Variants in AGMO observed in about 807,000 individuals in gnomAD.
AGMO encodes the protein alkylglycerol monooxygenase.
Under a neutral mutation model 60.2 loss-of-function variants are expected in AGMO, and 75 were observed. The observed-to-expected ratio is 1.25, with a 90% CI of 1.03 to 1.51. The LOEUF (loss-of-function observed/expected upper bound fraction) is 1.51. Among genes scored for constraint, AGMO ranks in the 40% most tolerant of loss-of-function variants. The pLI is 0.00. For missense variants in AGMO, 763 were observed against 525.5 expected (o/e 1.45, Z -4.42); for synonymous variants, 261 against 177.1 (o/e 1.47, Z -3.76).
At chr7:15,441,995 C>T (rs1781570718) in intron 3 of AGMO, among the ~76,000 whole-genome samples, 1 of 151,984 alleles carries the variant, frequency 6.6e-6, no homozygotes, top group Non-Finnish European at 1.5e-5. Context: ...TCTTGGTGTC[C>T]TGAAACCAAC....
At chr7:15,294,778 G>C (rs10265084) in intron 12 of AGMO, among the ~76,000 whole-genome samples, 3,729 of 151,856 alleles carry the variant, frequency 0.025, 150 homozygotes, top group African/African-American at 0.085. Context: ...TTATCCTGAT[G>C]AATAAAATAT....
intron 12 of AGMO, among the ~76,000 whole-genome samples, chr7:15,207,255 T>G (rs115517575): frequency 1.1e-4 from 17 of 152,332 alleles, no homozygotes; most frequent in Admixed American, 6.5e-4. Flanking sequence ...CTGGTTAAAA[T>G]TGTATAAACC....
At position 15,222,700 on chromosome 7, in the gene AGMO, T is replaced by A. The variant is rs572951304; in HGVS notation, c.1264-21341A>T. Reference sequence around the variant, plus strand: ...AAAATGGAAAGTTTGGCACTACAAATACTTCAGCCTCTTTCAATTTTCCAC... The same window carrying A: ...AAAATGGAAAGTTTGGCACTACAAAAACTTCAGCCTCTTTCAATTTTCCAC... On this transcript the variant is annotated intron_variant, in intron 12 of 12. Transcript: ENST00000342526. 5.3e-5 allele frequency among the ~76,000 whole-genome samples: 8 copies of A among 152,168 alleles called. No individual in the cohort carries two copies. The East Asian group carries it at 1.5e-3, about 29-fold the overall frequency.
chr7:15,270,791 A>G (rs944285738), intron 12 of AGMO, among the ~76,000 whole-genome samples: 13 of 147,802 alleles, frequency 8.8e-5, no homozygotes, highest in African/African-American at 3.2e-4. Flanking sequence ...TATAATTTCA[A>G]ATCTTATATT....
the AGMO span, among the ~76,000 whole-genome samples, chr7:15,194,343 C>A: frequency 3.3e-5 from 5 of 150,710 alleles, no homozygotes; most frequent in Admixed American, 2.7e-4. Flanking sequence ...TGTTTGTGCA[C>A]AAGGTAATTT....
intron 10 of AGMO, among the ~76,000 whole-genome samples, chr7:15,384,095 TG>T (rs1248442321): frequency 1.3e-5 from 2 of 152,086 alleles, no homozygotes; most frequent in Non-Finnish European, 2.9e-5. Flanking sequence ...CCACCATGCC[TG>T]GCTACTTATT....
At chr7:15,532,308 G>T (rs1159176364) in intron 3 of AGMO, among the ~76,000 whole-genome samples, 1 of 152,100 alleles carries the variant, frequency 6.6e-6, no homozygotes, top group Admixed American at 6.6e-5. Flanking sequence ...TATTAGTAGG[G>T]TCAAGAAACG....
chr7:15,154,724 G>A, the AGMO span, among the ~76,000 whole-genome samples: 1 of 152,148 alleles, frequency 6.6e-6, no homozygotes, highest in African/African-American at 2.4e-5. Context: ...GGCCACTGGA[G>A]CTGGCAGGTA....
At chr7:15,253,869 T>A (rs1473756117) in intron 12 of AGMO, among the ~76,000 whole-genome samples, 1 of 152,146 alleles carries the variant, frequency 6.6e-6, no homozygotes, top group African/African-American at 2.4e-5. Flanking sequence ...ATTCTCCCAA[T>A]TCTCTGGTAA....
At chr7:15,474,998 T>C (rs761027864) in intron 3 of AGMO, among the ~76,000 whole-genome samples, 4 of 152,004 alleles carry the variant, frequency 2.6e-5, no homozygotes, top group Non-Finnish European at 5.9e-5. Context: ...TGAGATACCA[T>C]CTCATGCCAG....
chr7:15,555,208 A>T lies in AGMO; in HGVS notation c.257+4933T>A, dbSNP rs553984369. Among the ~76,000 whole-genome samples, 13 of 151,020 alleles carry T rather than the reference A, an allele frequency of 8.6e-5. No individual in the cohort carries two copies. In the South Asian group the frequency reaches 2.7e-3, roughly 32 times the overall value. On this transcript the variant is annotated intron_variant, in intron 2 of 12. Transcript: ENST00000342526. ...AGCCAGAAAATAAATCAATATTTAA[A>T]AAAGATTATTACAAATATTCTTAAA...
chr7:15,411,262 T>C (rs1487354872), intron 5 of AGMO, among the ~76,000 whole-genome samples: 4 of 152,174 alleles, frequency 2.6e-5, no homozygotes, highest in Non-Finnish European at 1.5e-5. Context: ...TAAACTTCTA[T>C]TATTTATAAA....
the AGMO span, among the ~76,000 whole-genome samples, chr7:15,120,520 G>T: frequency 2.6e-5 from 4 of 152,082 alleles, no homozygotes; most frequent in Non-Finnish European, 4.4e-5. Context: ...TCCATGATAG[G>T]ATTAGTGTCC....
At position 15,473,762 on chromosome 7, in the gene AGMO, T is replaced by G. The variant is rs774474917; in HGVS notation, c.410-42654A>C. Among the ~76,000 whole-genome samples, 17 of 151,562 alleles carry G rather than the reference T, an allele frequency of 1.1e-4. 1 individual carries two copies. Among genetic ancestry groups the G allele is most frequent in the Non-Finnish European group, 2.2e-4 (15 of 67,686 alleles). ...AATGGTATTCAAATAGGAAGAGACG[T>G]CAAATTGTCTGTTTGCAGATGACAT... On this transcript the variant is annotated intron_variant, in intron 3 of 12. Transcript: ENST00000342526.
At chr7:15,375,252 G>A (rs186309455) in intron 10 of AGMO, among the ~76,000 whole-genome samples, 7 of 151,984 alleles carry the variant, frequency 4.6e-5, no homozygotes, top group East Asian at 1.9e-4. Flanking sequence ...ACTTTTAATA[G>A]GAAACTTTTA....
intron 11 of AGMO, 139 bp downstream of exon 11, chr7:15,366,001 T>G (rs1190502705): frequency 8.3e-6 from 5 of 602,848 alleles, no homozygotes; most frequent in Non-Finnish European, 1.4e-5. Flanking sequence ...TTCTCTAAAA[T>G]AATGAGAAGT....
intron 3 of AGMO, among the ~76,000 whole-genome samples, chr7:15,433,653 TAAG>T (rs1191752480): frequency 2.0e-4 from 30 of 152,046 alleles, no homozygotes; most frequent in Admixed American, 1.2e-3. Flanking sequence ...AAACAAATAT[TAAG>T]AAGGAGAAAA....
At chr7:15,246,037 A>G (rs1782730955) in intron 12 of AGMO, among the ~76,000 whole-genome samples, 1 of 151,642 alleles carries the variant, frequency 6.6e-6, no homozygotes, top group African/African-American at 2.4e-5. Flanking sequence ...CCTTGAATAC[A>G]TCACTGAAGG....
At chr7:15,438,353 A>C (rs374348317) in intron 3 of AGMO, among the ~76,000 whole-genome samples, 13 of 152,122 alleles carry the variant, frequency 8.5e-5, no homozygotes, top group East Asian at 3.9e-4. Context: ...ATTAACTCAT[A>C]CATTTCCCAG....
Sources: gnomAD v4.1 joint callset for allele counts (sites outside exome capture counted in the v4.1 genomes callset) on GRCh38, gnomAD v4.1.1 for gene constraint, MANE v1.5 for transcripts, NCBI Gene and HGNC (gene_info 2026-07-23, HGNC 2026-07-21) for gene names.